The following ARHGAP15 variants were observed in gnomAD, a reference collection of about 807,000 sequenced individuals.
The protein encoded by ARHGAP15 is rho GTPase-activating protein 15.
ARHGAP15 carries 51 observed loss-of-function variants against 63.7 expected under a neutral mutation model. That is an observed-to-expected ratio of 0.80 (90% CI 0.64 to 1.01). The LOEUF (loss-of-function observed/expected upper bound fraction) is 1.01, where lower values mean the gene tolerates loss of function less well. ARHGAP15 is among the 50% of genes least tolerant of loss of function. The pLI is 0.00. For missense variants in ARHGAP15, 560 were observed against 564.6 expected, an observed-to-expected ratio of 0.99 and a Z score of 0.08; for synonymous variants, 191 against 193.8, an observed-to-expected ratio of 0.99 and a Z score of 0.12.
chr2:143,287,213 A>G (rs1558867760), intron 6 of ARHGAP15, among the ~76,000 whole-genome samples: 1 of 152,170 alleles, frequency 6.6e-6, no homozygotes, highest in East Asian at 1.9e-4. Flanking sequence ...AAAATAAATT[A>G]TATTAGTCCT....
At chr2:143,171,191 G>A (rs929326596) in intron 2 of ARHGAP15, among the ~76,000 whole-genome samples, 2 of 152,082 alleles carry the variant, frequency 1.3e-5, no homozygotes, top group Non-Finnish European at 2.9e-5. Flanking sequence ...AGTGACCTCA[G>A]GATATCACTA....
At chr2:143,320,075 C>T (rs768458790) in intron 6 of ARHGAP15, among the ~76,000 whole-genome samples, 16 of 152,124 alleles carry the variant, frequency 1.1e-4, no homozygotes, top group Non-Finnish European at 2.1e-4. Context: ...AAACATGAAA[C>T]GTCTCCTCTG....
intron 2 of ARHGAP15, among the ~76,000 whole-genome samples, chr2:143,191,173 C>T (rs73962370): frequency 0.021 from 3,204 of 152,224 alleles, 132 homozygotes; most frequent in African/African-American, 0.073. Context: ...ATATATGCTA[C>T]GCAGGTCGAG....
intron 11 of ARHGAP15, among the ~76,000 whole-genome samples, chr2:143,620,782 T>A (rs1267295419): frequency 6.6e-6 from 1 of 152,246 alleles, no homozygotes; most frequent in Non-Finnish European, 1.5e-5. Context: ...ATAATGAATG[T>A]AGAGTGCATA....
At chr2:143,497,146 C>A (rs1313690787) in intron 9 of ARHGAP15, among the ~76,000 whole-genome samples, 1 of 152,212 alleles carries the variant, frequency 6.6e-6, no homozygotes. Flanking sequence ...TAAGCATACT[C>A]TGTGCTCTAA....
chr2:143,657,078 G>C (rs1338467337), intron 12 of ARHGAP15, among the ~76,000 whole-genome samples: 1 of 152,166 alleles, frequency 6.6e-6, no homozygotes, highest in African/African-American at 2.4e-5. Context: ...CGAGCGTGGT[G>C]GCTCACGCCT....
intron 10 of ARHGAP15, among the ~76,000 whole-genome samples, chr2:143,542,178 G>C (rs973801771): frequency 6.6e-6 from 1 of 152,204 alleles, no homozygotes; most frequent in Admixed American, 6.5e-5. Context: ...CTCCGAGCTA[G>C]GTGTGGGATA....
chr2:143,318,484 ATCACT>A (rs1318875317), intron 6 of ARHGAP15, among the ~76,000 whole-genome samples: 2 of 137,106 alleles, frequency 1.5e-5, no homozygotes, highest in African/African-American at 2.7e-5. Flanking sequence ...AGAAAAAGCC[ATCACT>A]TCACTTCCAG....
intron 6 of ARHGAP15, among the ~76,000 whole-genome samples, chr2:143,283,503 C>T (rs777571875): frequency 1.3e-5 from 2 of 152,094 alleles, no homozygotes; most frequent in South Asian, 4.1e-4. Flanking sequence ...TGTTCACATA[C>T]CCAAAAATAT....
In ARHGAP15 at chr2:143,768,278, A is replaced by G; in HGVS notation, c.*106A>G. The G allele has an allele frequency of 1.9e-6, 2 of 1,063,228 alleles. No individual in the cohort carries two copies. The highest frequency in any genetic ancestry group is 2.7e-6 in the Non-Finnish European group (2 of 746,928). 65.9% of individuals were successfully genotyped at this position (1,063,228 alleles called of 1,614,324 possible). A position where few individuals can be genotyped will look rare whatever the true frequency, so the allele number is the denominator to read the frequency against. On this transcript the variant is annotated 3_prime_UTR_variant, in exon 14 of 14. Transcript: ENST00000295095. ...ATATTTTTTGCCTTTCAAGCGACAG[A>G]TGCCTCATTTTGTGAAAACTTAATG...
intron 8 of ARHGAP15, among the ~76,000 whole-genome samples, chr2:143,453,955 G>T (rs1690527373): frequency 1.3e-5 from 2 of 151,996 alleles, no homozygotes; most frequent in South Asian, 4.1e-4. Context: ...TATTGAGAGG[G>T]TTAAACTTTG....
intron 11 of ARHGAP15, among the ~76,000 whole-genome samples, chr2:143,603,088 T>C (rs1320040544): frequency 6.6e-6 from 1 of 152,172 alleles, no homozygotes; most frequent in Admixed American, 6.5e-5. Context: ...GAATATTCCT[T>C]ATTGATTTTG....
chr2:143,159,306 A>G (rs1206673670), intron 2 of ARHGAP15, among the ~76,000 whole-genome samples: 1 of 151,842 alleles, frequency 6.6e-6, no homozygotes. Flanking sequence ...TGATTATAGG[A>G]TACTTGCCAA....
At chr2:143,265,707 G>A (rs530165783) in intron 6 of ARHGAP15, among the ~76,000 whole-genome samples, 10 of 152,160 alleles carry the variant, frequency 6.6e-5, no homozygotes, top group African/African-American at 2.4e-4. Context: ...AGGTGAACAT[G>A]CAATTCTTAG....
intron 8 of ARHGAP15, among the ~76,000 whole-genome samples, chr2:143,446,513 T>G (rs1690144092): frequency 6.6e-6 from 1 of 152,194 alleles, no homozygotes; most frequent in Non-Finnish European, 1.5e-5. Flanking sequence ...TTTTGTTTTC[T>G]TAAGGGATCC....
chr2:143,323,308 C>G (rs932132254), intron 6 of ARHGAP15, among the ~76,000 whole-genome samples: 1 of 152,050 alleles, frequency 6.6e-6, no homozygotes, highest in African/African-American at 2.4e-5. Flanking sequence ...GGATTGCTCA[C>G]CAAAATCAGT....
chr2:143,130,077 A>G (rs1428665693), intron 1 of ARHGAP15, among the ~76,000 whole-genome samples: 1 of 152,116 alleles, frequency 6.6e-6, no homozygotes, highest in Admixed American at 6.5e-5. Context: ...TAAGTTTCTA[A>G]TTCATAAGCA....
At chr2:143,202,643 G>A (rs1164072677) in intron 3 of ARHGAP15, among the ~76,000 whole-genome samples, 3 of 152,054 alleles carry the variant, frequency 2.0e-5, no homozygotes, top group African/African-American at 7.2e-5. Context: ...CATCAGCTTT[G>A]CCACATTCTT....
intron 6 of ARHGAP15, among the ~76,000 whole-genome samples, chr2:143,370,189 C>A (rs913730693): frequency 1.3e-5 from 2 of 152,128 alleles, no homozygotes; most frequent in Non-Finnish European, 2.9e-5. Flanking sequence ...CAATTTCCCC[C>A]AGAGATGTTT....
Sources: gnomAD v4.1 joint callset for allele counts (sites outside exome capture counted in the v4.1 genomes callset) on GRCh38, gnomAD v4.1.1 for gene constraint, MANE v1.5 for transcripts, NCBI Gene and HGNC (gene_info 2026-07-23, HGNC 2026-07-21) for gene names.